The following SCAPER variants were observed in gnomAD, a reference collection of about 807,000 sequenced individuals.
SCAPER encodes the protein S-phase cyclin A associated protein in the ER.
SCAPER carries 98 observed loss-of-function variants against 182.2 expected under a neutral mutation model. That is an observed-to-expected ratio of 0.54 (90% CI 0.46 to 0.64). The LOEUF (loss-of-function observed/expected upper bound fraction) is 0.64. Among genes scored for constraint, SCAPER ranks in the 30% least tolerant of loss-of-function variants. The pLI is 0.00. For synonymous variants in SCAPER, 605 were observed against 564.6 expected (o/e 1.07, Z -1.01); for missense variants, 1,432 against 1,690.0 (o/e 0.85, Z 2.68).
At chr15:76,738,276 G>C (rs758380110) in intron 15 of SCAPER, among the ~76,000 whole-genome samples, 2 of 152,104 alleles carry the variant, frequency 1.3e-5, no homozygotes, top group African/African-American at 2.4e-5. Flanking sequence ...CGATAAGCAT[G>C]TGCGACCACA....
chr15:76,768,847 T>TAC (rs1231235693), intron 10 of SCAPER, among the ~76,000 whole-genome samples: 2 of 151,262 alleles, frequency 1.3e-5, no homozygotes, highest in South Asian at 2.1e-4. Context: ...AAAATATATA[T>TAC]ATACATGTTC....
At chr15:76,524,689 GTTTTTTTTTTTTT>G (rs35944222) in intron 23 of SCAPER, among the ~76,000 whole-genome samples, 3 of 50,116 alleles carry the variant, frequency 6.0e-5, no homozygotes, top group African/African-American at 8.3e-5. Context: ...TTTTTGTTCT[GTTTTTTTTTTTTT>G]TTTTTTTTTT....
At chr15:76,805,587 T>C (rs1598832451) in intron 5 of SCAPER, among the ~76,000 whole-genome samples, 1 of 143,894 alleles carries the variant, frequency 6.9e-6, no homozygotes, top group Non-Finnish European at 1.5e-5. Flanking sequence ...GGAGACGGAG[T>C]CTCGCTCTGT....
intron 25 of SCAPER, among the ~76,000 whole-genome samples, chr15:76,457,703 T>C (rs1220959962): frequency 2.0e-5 from 3 of 152,222 alleles, no homozygotes; most frequent in Non-Finnish European, 4.4e-5. Context: ...TATAATAATA[T>C]GCAGTACACT....
At chr15:76,552,178 T>C (rs2045832665) in intron 23 of SCAPER, among the ~76,000 whole-genome samples, 1 of 151,844 alleles carries the variant, frequency 6.6e-6, no homozygotes, top group Admixed American at 6.6e-5. Flanking sequence ...AGCTATTAGG[T>C]GGGCTGAGGC....
intron 26 of SCAPER, among the ~76,000 whole-genome samples, chr15:76,420,313 T>C (rs2045941674): frequency 6.8e-6 from 1 of 147,648 alleles, no homozygotes; most frequent in Non-Finnish European, 1.5e-5. Context: ...CTCAAGATCC[T>C]CTTGCCTTAG....
chr15:76,808,902 G>A (rs1328573471), intron 5 of SCAPER, among the ~76,000 whole-genome samples: 1 of 152,188 alleles, frequency 6.6e-6, no homozygotes, highest in African/African-American at 2.4e-5. Flanking sequence ...AAGAAAATGA[G>A]AGAAAAATTC....
chr15:76,687,252 G>T (rs1238426574), intron 20 of SCAPER, among the ~76,000 whole-genome samples: 1 of 151,858 alleles, frequency 6.6e-6, no homozygotes, highest in Non-Finnish European at 1.5e-5. Context: ...TAAGACATTT[G>T]ATCTAATATA....
chr15:76,397,167 C>T (rs939264641), intron 27 of SCAPER, among the ~76,000 whole-genome samples: 1 of 152,130 alleles, frequency 6.6e-6, no homozygotes, highest in African/African-American at 2.4e-5. Context: ...CCTGACATTC[C>T]TGGGATAAAT....
intron 27 of SCAPER, among the ~76,000 whole-genome samples, chr15:76,397,915 C>T (rs759955980): frequency 1.5e-4 from 23 of 152,140 alleles, no homozygotes; most frequent in Non-Finnish European, 2.1e-4. Flanking sequence ...GTTTTAATGA[C>T]GCTATTGCCG....
intron 27 of SCAPER, among the ~76,000 whole-genome samples, chr15:76,388,245 TGACCCCACGGGA>T (rs2043417905): frequency 6.6e-6 from 1 of 152,214 alleles, no homozygotes; most frequent in Non-Finnish European, 1.5e-5. Flanking sequence ...TATTTATTTA[TGACCCCACGGGA>T]GACACGTTAC....
At chr15:76,820,307 C>G (rs368191795) in intron 5 of SCAPER, among the ~76,000 whole-genome samples, 2 of 152,064 alleles carry the variant, frequency 1.3e-5, no homozygotes, top group Non-Finnish European at 2.9e-5. Flanking sequence ...TATTGCGGCA[C>G]TATTCACAAT....
intron 24 of SCAPER, among the ~76,000 whole-genome samples, chr15:76,474,669 C>T (rs970105010): frequency 3.9e-5 from 6 of 152,068 alleles, no homozygotes; most frequent in African/African-American, 1.4e-4. Context: ...TGATTAAGTA[C>T]TTAATAAATG....
At chr15:76,409,708 T>C (rs932718829) in intron 26 of SCAPER, among the ~76,000 whole-genome samples, 7 of 152,228 alleles carry the variant, frequency 4.6e-5, no homozygotes, top group Non-Finnish European at 8.8e-5. Flanking sequence ...ATTAGGGTTC[T>C]ATCCCTGAAC....
chr15:76,721,497 A>G lies in SCAPER; in HGVS notation c.2165+7098T>C, dbSNP rs935774303. Among the ~76,000 whole-genome samples, 745 of 152,064 alleles carry G rather than the reference A, an allele frequency of 4.9e-3. 5 individuals carry two copies. Among genetic ancestry groups the G allele is most frequent in the South Asian group, 8.3e-3 (40 of 4,796 alleles). On this transcript the variant is annotated intron_variant, in intron 17 of 31. Coordinates refer to ENST00000563290, the MANE Select transcript of SCAPER (RefSeq NM_020843.4). ...GGCAGCTTGATGGGGATGGCATTGA[A>G]TCTATAAATTACCTTGGGCAGTATG...
intron 24 of SCAPER, among the ~76,000 whole-genome samples, chr15:76,483,553 C>T (rs138474203): frequency 2.5e-3 from 380 of 151,950 alleles, no homozygotes; most frequent in East Asian, 0.013. Context: ...GTTAAGAGAA[C>T]GAAAAGATAA....
chr15:76,441,937 A>G (rs1370888741), intron 25 of SCAPER, among the ~76,000 whole-genome samples: 3 of 152,178 alleles, frequency 2.0e-5, no homozygotes, highest in African/African-American at 7.2e-5. Context: ...TATTTTTTAA[A>G]TGCATGTAGA....
At chr15:76,616,910 T>C (rs2051543775) in intron 22 of SCAPER, among the ~76,000 whole-genome samples, 1 of 152,170 alleles carries the variant, frequency 6.6e-6, no homozygotes, top group Non-Finnish European at 1.5e-5. Flanking sequence ...AAACATAATT[T>C]TTAAAAATCC....
chr15:76,643,157 A>T (rs2054239658), intron 21 of SCAPER, among the ~76,000 whole-genome samples: 1 of 152,032 alleles, frequency 6.6e-6, no homozygotes, highest in Non-Finnish European at 1.5e-5. Context: ...GTCACCATCA[A>T]TTTCTTCCTG....
Sources: allele counts gnomAD v4.1 joint callset (sites outside exome capture counted in the v4.1 genomes callset), GRCh38; gene constraint gnomAD v4.1.1; transcripts MANE v1.5; gene names NCBI Gene and HGNC (gene_info 2026-07-23, HGNC 2026-07-21).